The following NEK1 variants were observed in gnomAD, a reference collection of about 807,000 sequenced individuals.
NEK1 encodes the protein serine/threonine-protein kinase Nek1.
A neutral mutation model predicts 182.1 loss-of-function variants in NEK1; 137 were observed. The ratio of observed to expected loss-of-function variants is 0.75; its 90% CI spans 0.65 to 0.87. The LOEUF (loss-of-function observed/expected upper bound fraction) is 0.87, where lower values mean the gene tolerates loss of function less well. Among genes scored for constraint, NEK1 ranks in the 40% least tolerant of loss-of-function variants. NEK1 has a pLI of 0.00. For missense variants in NEK1, 1,391 were observed against 1,494.4 expected (o/e 0.93, Z 1.14); for synonymous variants, 513 against 492.2 (o/e 1.04, Z -0.56).
chr4:169,498,987 T>C (rs186026781), intron 23 of NEK1, among the ~76,000 whole-genome samples: 111 of 152,332 alleles, frequency 7.3e-4, no homozygotes, highest in African/African-American at 2.5e-3. Flanking sequence ...CTGGATAATA[T>C]ACTGCAGAGT....
intron 32 of NEK1, among the ~76,000 whole-genome samples, chr4:169,403,388 C>T (rs1732014768): frequency 1.3e-5 from 2 of 151,902 alleles, no homozygotes; most frequent in Admixed American, 6.6e-5. Flanking sequence ...GGCAACATAG[C>T]GAGACCCCTC....
intron 26 of NEK1, among the ~76,000 whole-genome samples, chr4:169,472,234 T>A (rs1746124499): frequency 6.6e-6 from 1 of 152,014 alleles, no homozygotes. Context: ...GCCATCCAGT[T>A]TTATGCTTGA....
At chr4:169,478,767 C>G (rs1364919014) in intron 24 of NEK1, among the ~76,000 whole-genome samples, 1 of 152,160 alleles carries the variant, frequency 6.6e-6, no homozygotes, top group Non-Finnish European at 1.5e-5. Context: ...CTGTTGAATT[C>G]TAGGCCGCAG....
intron 12 of NEK1, among the ~76,000 whole-genome samples, chr4:169,576,025 G>A (rs184844564): frequency 5.7e-4 from 86 of 150,546 alleles, no homozygotes; most frequent in African/African-American, 2.0e-3. Flanking sequence ...GTGCAGTGGC[G>A]CACTCTTTGG....
intron 19 of NEK1, among the ~76,000 whole-genome samples, chr4:169,516,458 G>A (rs972426302): frequency 9.9e-6 from 1 of 100,668 alleles, no homozygotes; most frequent in Non-Finnish European, 1.9e-5. Context: ...TAGGTTGCCT[G>A]TTCACTCTGA....
At chr4:169,577,671 G>A (rs902736291) in intron 11 of NEK1, among the ~76,000 whole-genome samples, 4 of 151,892 alleles carry the variant, frequency 2.6e-5, no homozygotes, top group Non-Finnish European at 2.9e-5. Context: ...GGAGAATGGC[G>A]TGAACCCAGG....
At chr4:169,474,724 C>T (rs1746641685) in intron 26 of NEK1, among the ~76,000 whole-genome samples, 1 of 152,194 alleles carries the variant, frequency 6.6e-6, no homozygotes. Context: ...TTGCAAAGGT[C>T]TTCCTCTGAT....
chr4:169,438,522 C>A (rs930455877), intron 27 of NEK1, among the ~76,000 whole-genome samples: 3 of 152,180 alleles, frequency 2.0e-5, no homozygotes, highest in African/African-American at 7.2e-5. Context: ...TATTAGAATA[C>A]TATTTTTTAA....
chr4:169,530,800 T>C (rs1308552982), intron 19 of NEK1, among the ~76,000 whole-genome samples: 1 of 151,470 alleles, frequency 6.6e-6, no homozygotes, highest in African/African-American at 2.4e-5. Flanking sequence ...TGGTGCTGGC[T>C]GCATGAATTT....
At chr4:169,460,099 T>G (rs1743676645) in intron 27 of NEK1, among the ~76,000 whole-genome samples, 2 of 151,954 alleles carry the variant, frequency 1.3e-5, no homozygotes, top group Non-Finnish European at 1.5e-5. Flanking sequence ...CTATTGATGG[T>G]GGGGGAGGCT....
Position 169,477,269 on chromosome 4 carries a change from A to G in NEK1, c.2289T>C (p.Thr763=), listed in dbSNP as rs762665168. ...CATCTTCATGAACATTTATCTCAAA[A>G]GTATCAGAGAGATTCTGCTTTCCTT... ...DEKGKQNLSD[T]FEINVHEDAK... is the part of the protein sequence containing the mutation. Residue 763 remains threonine (T), a synonymous_variant, in exon 26 of 36, where the codon ACT becomes ACC. Coordinates refer to ENST00000507142, the MANE Select transcript of NEK1 (RefSeq NM_001199397.3). The G allele has an allele frequency of 6.3e-7, 1 of 1,597,044 alleles. No individual in the cohort carries two copies. The highest frequency in any genetic ancestry group is 8.5e-7 in the Non-Finnish European group (1 of 1,170,162).
At chr4:169,601,596 G>A (rs889394437) in intron 4 of NEK1, among the ~76,000 whole-genome samples, 2 of 152,084 alleles carry the variant, frequency 1.3e-5, no homozygotes, top group African/African-American at 4.8e-5. Context: ...AGTGGTGGCA[G>A]CACTTACAGG....
intron 31 of NEK1, among the ~76,000 whole-genome samples, chr4:169,408,418 T>TC (rs1733015860): frequency 6.6e-6 from 1 of 152,198 alleles, no homozygotes. Context: ...GAGGCTTTTT[T>TC]CCCTATAGAT....
chr4:169,498,837 AT>A (rs1456282514), intron 23 of NEK1, among the ~76,000 whole-genome samples: 1 of 151,972 alleles, frequency 6.6e-6, no homozygotes, highest in East Asian at 1.9e-4. Context: ...TGCCCTTAAC[AT>A]TTTTTCCTTC....
At chr4:169,562,073 TTTTG>T (rs1763009650) in intron 13 of NEK1, 60 bp downstream of exon 13, 2 of 1,302,276 alleles carry the variant, frequency 1.5e-6, no homozygotes, top group African/African-American at 1.5e-5. Flanking sequence ...TATAGTAAGA[TTTTG>T]TTTCTTTTTT....
At chr4:169,431,024 A>T (rs1376200088) in intron 29 of NEK1, among the ~76,000 whole-genome samples, 1 of 152,146 alleles carries the variant, frequency 6.6e-6, no homozygotes, top group Non-Finnish European at 1.5e-5. Context: ...AAATTCAACT[A>T]TTATATCATA....
At position 169,497,715 on chromosome 4, in the gene NEK1, TTGAG is replaced by T. The variant is rs879747506; in HGVS notation, c.2007+9318_2007+9321del. 7.9e-5 allele frequency among the ~76,000 whole-genome samples: 12 copies of T among 152,346 alleles called. 1 individual carries two copies. Among genetic ancestry groups the T allele is most frequent in the African/African-American group, 2.9e-4 (12 of 41,570 alleles). On this transcript the variant is annotated intron_variant, in intron 23 of 35. Coordinates refer to ENST00000507142, the MANE Select transcript of NEK1 (RefSeq NM_001199397.3). ...TCAGTTTCCACGTAGTTGAGCGGTT[TTGAG>T]TGAGTGTCTTAATCCTGAGTTCTAG... is the stretch of plus-strand genomic sequence containing the variant.
intron 9 of NEK1, among the ~76,000 whole-genome samples, chr4:169,586,618 A>G (rs1441482414): frequency 6.6e-6 from 1 of 152,172 alleles, no homozygotes; most frequent in South Asian, 2.1e-4. Context: ...TAAAGCTCAA[A>G]TAACTGTGTT....
At chr4:169,438,062 T>C (rs764344633) in intron 28 of NEK1, 21 bp downstream of exon 28, 3 of 1,577,370 alleles carry the variant, frequency 1.9e-6, no homozygotes, top group African/African-American at 1.4e-5. Flanking sequence ...ATATAGCTCA[T>C]TTTGACTCAT....
Sources: allele counts gnomAD v4.1 joint callset (sites outside exome capture counted in the v4.1 genomes callset), GRCh38; gene constraint gnomAD v4.1.1; transcripts MANE v1.5; gene names NCBI Gene and HGNC (gene_info 2026-07-23, HGNC 2026-07-21).